The following DCBLD1 variants were observed in gnomAD, a reference collection of about 807,000 sequenced individuals.
DCBLD1 encodes the protein discoidin, CUB and LCCL domain containing 1, also known as discoidin, CUB and LCCL domain-containing protein 1.
In DCBLD1, 57 loss-of-function variants were observed where a neutral mutation model predicts 71.5. The ratio of observed to expected loss-of-function variants is 0.80; its 90% CI spans 0.64 to 0.99. The LOEUF (loss-of-function observed/expected upper bound fraction) is 0.99. DCBLD1 is among the 50% of genes least tolerant of loss of function. The pLI is 0.00. For missense variants in DCBLD1, 891 were observed against 923.5 expected, an observed-to-expected ratio of 0.96 and a Z score of 0.46; for synonymous variants, 380 against 363.8, an observed-to-expected ratio of 1.04 and a Z score of -0.51.
intron 14 of DCBLD1, among the ~76,000 whole-genome samples, chr6:117,563,732 A>G (rs938808169): frequency 2.0e-5 from 3 of 151,616 alleles, no homozygotes; most frequent in African/African-American, 7.3e-5. Flanking sequence ...GATTAAAAAA[A>G]TTAAAAAAAA....
chr6:117,517,530 G>A (rs994521354), intron 2 of DCBLD1, among the ~76,000 whole-genome samples: 5 of 152,166 alleles, frequency 3.3e-5, no homozygotes, highest in African/African-American at 1.2e-4. Flanking sequence ...CTGTGTGGGG[G>A]CTCTGACCCC....
chr6:117,549,033 AG>A lies in DCBLD1; in HGVS notation c.*597del. ...TTACTTGAAGCATGAAAAGCACACC[AG>A]GGTGGTTGTTTATTTAGCAATTATG... is the stretch of plus-strand genomic sequence containing the variant. On this transcript the variant is annotated 3_prime_UTR_variant, in exon 15 of 15. Coordinates refer to ENST00000338728, the MANE Select transcript of DCBLD1 (RefSeq NM_001366458.2). The A allele has an allele frequency of 1.0e-6, 1 of 986,612 alleles. No homozygotes were observed. Among genetic ancestry groups the A allele is most frequent in the Non-Finnish European group, 1.2e-6 (1 of 830,808 alleles). The allele number at this position is 986,612 out of a possible 1,614,324, so 61.1% of individuals were successfully genotyped here.
At chr6:117,530,635 A>G (rs1778685713) in intron 5 of DCBLD1, among the ~76,000 whole-genome samples, 1 of 152,350 alleles carries the variant, frequency 6.6e-6, no homozygotes, top group Admixed American at 6.5e-5. Context: ...GGTCAAGAGC[A>G]GTGGAATGAC....
At chr6:117,537,344 C>T (rs1018634052) in intron 7 of DCBLD1, 119 bp downstream of exon 7, 53 of 878,778 alleles carry the variant, frequency 6.0e-5, no homozygotes, top group Non-Finnish European at 8.9e-5. Flanking sequence ...ACCATCCTGG[C>T]TAACACAGTG....
downstream of DCBLD1, among the ~76,000 whole-genome samples, chr6:117,553,776 T>A (rs773181712): frequency 6.6e-6 from 1 of 152,188 alleles, no homozygotes; most frequent in Non-Finnish European, 1.5e-5. Context: ...TAGGTGTTTT[T>A]TTTGTTGTTG....
chr6:117,545,561 A>G lies in DCBLD1; in HGVS notation c.1579A>G (p.Thr527Ala). 6.2e-7 allele frequency: 1 copy of G among 1,614,184 alleles called. No individual in the cohort carries two copies. Among genetic ancestry groups the G allele is most frequent in the South Asian group, 1.1e-5 (1 of 91,076 alleles). ...TISYDNEKEM[T>A]QKLDLITSDM... is the part of the protein sequence containing the mutation. ...CAGCTATGATAATGAGAAGGAGATG[A>G]CACAAAAGTTAGATCTCATCACAAG... Residue 527 changes from threonine to alanine, a missense_variant, in exon 14 of 15, where the codon ACA becomes GCA. Thr to Ala is a moderately conservative substitution (Grantham distance 58). Coordinates refer to ENST00000338728, the MANE Select transcript of DCBLD1 (RefSeq NM_001366458.2).
intron 12 of DCBLD1, chr6:117,544,205 A>G (rs1211714556): frequency 4.4e-6 from 1 of 228,724 alleles, no homozygotes; most frequent in African/African-American, 2.3e-5. Flanking sequence ...AGATGAAGTG[A>G]GACCATGTGG....
chr6:117,545,809 G>T (rs1479243818), intron 14 of DCBLD1, among the ~76,000 whole-genome samples: 1 of 152,218 alleles, frequency 6.6e-6, no homozygotes, highest in East Asian at 1.9e-4. Flanking sequence ...ACCTGCAGGG[G>T]ATATAGTGAC....
chr6:117,488,514 A>G (rs1777168371), intron 1 of DCBLD1, among the ~76,000 whole-genome samples: 1 of 152,078 alleles, frequency 6.6e-6, no homozygotes, highest in Non-Finnish European at 1.5e-5. Context: ...GCGTGGTGGC[A>G]CATGCCTGTA....
At chr6:117,509,084 T>C (rs779929863) in intron 2 of DCBLD1, among the ~76,000 whole-genome samples, 1 of 152,212 alleles carries the variant, frequency 6.6e-6, no homozygotes, top group South Asian at 2.1e-4. Context: ...TATTTCTAAA[T>C]TGGTTGACCT....
chr6:117,534,855 AG>A (rs1778834539), intron 6 of DCBLD1, among the ~76,000 whole-genome samples: 1 of 152,002 alleles, frequency 6.6e-6, no homozygotes, highest in Non-Finnish European at 1.5e-5. Context: ...TGAATTAGAA[AG>A]GGTTTTGCTT....
chr6:117,533,318 T>C (rs1481743267), intron 6 of DCBLD1, among the ~76,000 whole-genome samples: 1 of 152,196 alleles, frequency 6.6e-6, no homozygotes, highest in South Asian at 2.1e-4. Context: ...CATTAATCTG[T>C]ATGACATTCT....
chr6:117,494,431 C>T (rs1777403953), intron 1 of DCBLD1, among the ~76,000 whole-genome samples: 1 of 152,188 alleles, frequency 6.6e-6, no homozygotes, highest in Admixed American at 6.5e-5. Flanking sequence ...GATTTCTTGA[C>T]TTATCTTCAG....
At chr6:117,495,751 C>T (rs1304321788) in intron 1 of DCBLD1, among the ~76,000 whole-genome samples, 1 of 152,136 alleles carries the variant, frequency 6.6e-6, no homozygotes, top group Non-Finnish European at 1.5e-5. Flanking sequence ...GGAGAGTGAC[C>T]AAAAACTGCA....
At chr6:117,510,368 C>G (rs979641822) in intron 2 of DCBLD1, among the ~76,000 whole-genome samples, 1 of 151,684 alleles carries the variant, frequency 6.6e-6, no homozygotes, top group African/African-American at 2.4e-5. Context: ...CAGACACACA[C>G]ACACACACAC....
downstream of DCBLD1, among the ~76,000 whole-genome samples, chr6:117,550,853 G>C (rs943144519): frequency 6.6e-6 from 1 of 152,208 alleles, no homozygotes; most frequent in South Asian, 2.1e-4. Context: ...GGTTCTGAGA[G>C]CAGTGTTTAC....
chr6:117,566,806 T>C, intron 14 of DCBLD1: 1 of 1,244,634 alleles, frequency 8.0e-7, no homozygotes, highest in Non-Finnish European at 1.1e-6. Flanking sequence ...ATTTTAAACA[T>C]TTAATAATAA....
At chr6:117,546,956 A>G (rs1583034869) in intron 14 of DCBLD1, among the ~76,000 whole-genome samples, 1 of 152,288 alleles carries the variant, frequency 6.6e-6, no homozygotes, top group South Asian at 2.1e-4. Context: ...TGCACATCCC[A>G]GCCTCAAAGA....
At chr6:117,511,890 G>A (rs1469751533) in intron 2 of DCBLD1, among the ~76,000 whole-genome samples, 3 of 152,120 alleles carry the variant, frequency 2.0e-5, no homozygotes, top group African/African-American at 7.2e-5. Context: ...CCCTAGAAGT[G>A]CGTCCTCCTC....
Sources: gnomAD v4.1 joint callset for allele counts (sites outside exome capture counted in the v4.1 genomes callset) on GRCh38, gnomAD v4.1.1 for gene constraint, MANE v1.5 for transcripts, NCBI Gene and HGNC (gene_info 2026-07-23, HGNC 2026-07-21) for gene names.